Variants in CDC42BPB observed in about 807,000 individuals in gnomAD.
CDC42BPB encodes CDC42 binding protein kinase beta.
Under a neutral mutation model 214.9 loss-of-function variants are expected in CDC42BPB, and 37 were observed. That is an observed-to-expected ratio of 0.17 (90% CI 0.13 to 0.23). The LOEUF is 0.23. Ranked by LOEUF, CDC42BPB falls within the 10% of genes least tolerant of loss-of-function variation. The pLI is 1.00. For missense variants in CDC42BPB, 1,694 were observed against 2,227.0 expected (o/e 0.76, Z 4.82); for synonymous variants, 931 against 884.0 (o/e 1.05, Z -0.94).
rs1201006233 is a variant in CDC42BPB, at chr14:103,022,240, T to C, written c.176-10052A>G. On this transcript the variant is annotated intron_variant, in intron 1 of 36. Transcript: ENST00000361246. ...GAATTACCTACTGGCTTTTGCCACG[T>C]GGAGACCACAGGTGGCCTTGACAAA... is the stretch of plus-strand genomic sequence containing the variant. Among the ~76,000 whole-genome samples, 3 of 152,146 alleles carry C rather than the reference T, an allele frequency of 2.0e-5. No homozygotes were observed. The East Asian group carries it at 5.8e-4, about 29-fold the overall frequency.
At position 102,938,127 on chromosome 14, in the gene CDC42BPB, G is replaced by C. The variant is rs1382376082; in HGVS notation, c.4981C>G (p.Pro1661Ala). The C allele has an allele frequency of 6.2e-7, 1 of 1,613,946 alleles. No homozygotes were observed. Among genetic ancestry groups the C allele is most frequent in the Non-Finnish European group, 8.5e-7 (1 of 1,180,010 alleles). Residue 1661 changes from proline to alanine, a missense_variant, in exon 36 of 37, where the codon CCA (proline) becomes GCA (alanine). This residue lies in a region of CDC42BPB where 146 missense variants were observed against 134.1 expected (regional missense o/e 1.09). Transcript: ENST00000361246. ...VTVPLRSMSD[P>A]DQDFDKEPDS... Reference sequence around the variant, plus strand: ...ACCTCTTTGTCAAAGTCCTGGTCTGGATCAGACATACTTCTCAGAGGCACA... The same window carrying C: ...ACCTCTTTGTCAAAGTCCTGGTCTGCATCAGACATACTTCTCAGAGGCACA...
intron 34 of CDC42BPB, 37 bp from the exon 35 acceptor site, chr14:102,938,448 GAC>G (rs770868712): frequency 6.6e-7 from 1 of 1,509,438 alleles, no homozygotes; most frequent in African/African-American, 1.4e-5. Flanking sequence ...ATGCTTGGTT[GAC>G]ACCCGGCAGG....
At chr14:103,047,909 A>AAAAAAAAAAG (rs1888385082) in intron 1 of CDC42BPB, among the ~76,000 whole-genome samples, 1 of 151,990 alleles carries the variant, frequency 6.6e-6, no homozygotes, top group African/African-American at 2.4e-5. Context: ...TGTCCAAAAA[A>AAAAAAAAAAG]AAAAGCATTT....
At chr14:103,025,258 T>C (rs1232307261) in intron 1 of CDC42BPB, among the ~76,000 whole-genome samples, 1 of 152,114 alleles carries the variant, frequency 6.6e-6, no homozygotes, top group Non-Finnish European at 1.5e-5. Context: ...CACTGTCCGA[T>C]GTGCCACCCC....
intron 16 of CDC42BPB, among the ~76,000 whole-genome samples, chr14:102,967,815 G>A (rs34702038): frequency 0.015 from 2,300 of 152,270 alleles, 56 homozygotes; most frequent in African/African-American, 0.053. Flanking sequence ...ACCAAACTTC[G>A]GCCGGCGCAG....
Position 102,938,319 on chromosome 14 carries a change from C to G in CDC42BPB, c.4920G>C (p.Ser1640=). ...CTTCCCCTGTACCTGATGAGGGCCA[C>G]GAGATGTAGGGCTTGTTCCTGGATG... ...QPPSRNKPYI[S]WPSSGGSEPS... The change falls in exon 35 of 37, where the codon TCG becomes TCC. Residue 1640 remains serine (S), a synonymous_variant. Transcript: ENST00000361246. 6.2e-7 allele frequency: 1 copy of G among 1,608,164 alleles called. No individual in the cohort carries two copies. Among genetic ancestry groups the G allele is most frequent in the African/African-American group, 1.3e-5 (1 of 74,874 alleles).
In CDC42BPB at chr14:102,966,331, G is replaced by A. The variant is rs775258543; in HGVS notation, c.2528C>T (p.Thr843Ile). 6.2e-7 allele frequency: 1 copy of A among 1,614,082 alleles called. No homozygotes were observed. Among genetic ancestry groups the A allele is most frequent in the Non-Finnish European group, 8.5e-7 (1 of 1,179,962 alleles). ...GYLQALASKMTEELEALRSSS... is the reference protein window; with the variant it reads ...GYLQALASKMIEELEALRSSS... ...ACTCCTCAAAGCCTCGAGCTCTTCG[G>A]TCATCTTGGAAGCAAGAGCTTGAAG... Residue 843 changes from threonine to isoleucine, a missense_variant, in exon 18 of 37, where the codon ACC (threonine) becomes ATC (isoleucine). Coordinates refer to ENST00000361246, the MANE Select transcript of CDC42BPB (RefSeq NM_006035.4).
intron 1 of CDC42BPB, among the ~76,000 whole-genome samples, chr14:103,051,569 T>C (rs780977977): frequency 6.6e-6 from 1 of 152,112 alleles, no homozygotes; most frequent in Non-Finnish European, 1.5e-5. Flanking sequence ...CCAGGAGACA[T>C]CTAAGGGCAC....
chr14:102,970,233 G>C lies in CDC42BPB; in HGVS notation c.1913C>G (p.Ala638Gly), dbSNP rs1893414721. ...AAGCTTGCGCTCCTTGGAGGCCTCA[G>C]CAACAGCATCATCAAGCTGAGCTTC... ...ELEAQLDDAV[A>G]EASKERKLRE... Residue 638 changes from alanine to glycine, a missense_variant, in exon 14 of 37, where the codon GCT becomes GGT. Around this residue, in one of 7 missense-constraint regions of CDC42BPB, gnomAD observed 462 missense variants for 513.5 expected, o/e 0.90. Coordinates refer to ENST00000361246, the MANE Select transcript of CDC42BPB (RefSeq NM_006035.4). 3 of 1,613,548 alleles carry C rather than the reference G, an allele frequency of 1.9e-6. No individual in the cohort carries two copies. Among genetic ancestry groups the C allele is most frequent in the Non-Finnish European group, 2.5e-6 (3 of 1,179,844 alleles).
rs538277267 is a variant in CDC42BPB at position 103,004,786 on chromosome 14, T to C, written c.352-763A>G. Among the ~76,000 whole-genome samples the C allele has an allele frequency of 1.6e-4, 24 of 150,916 alleles. No individual in the cohort carries two copies. Among genetic ancestry groups the C allele is most frequent in the Admixed American group, 4.6e-4 (7 of 15,164 alleles). On this transcript the variant is annotated intron_variant, in intron 3 of 36. Transcript: ENST00000361246. This position sits in a 1 kb window ranked among gnomAD's most constrained non-coding sequence, Gnocchi z 5.3. ...TGGGAGGCTGAGGGGGGAGAACTGCTTGAGCCCAGGAAGCGGAGGTTGCGG... is the reference window on the plus strand; with the variant it reads ...TGGGAGGCTGAGGGGGGAGAACTGCCTGAGCCCAGGAAGCGGAGGTTGCGG...
chr14:102,974,088 G>A lies in CDC42BPB; in HGVS notation c.1569C>T (p.Asp523=). 1.9e-6 allele frequency: 3 copies of A among 1,614,088 alleles called. No homozygotes were observed. Among genetic ancestry groups the A allele is most frequent in the Middle Eastern group, 1.7e-4 (1 of 6,060 alleles). The change falls in exon 12 of 37, where the codon GAC becomes GAT. Residue 523 remains aspartate, a synonymous_variant. Transcript: ENST00000361246. The stretch of plus-strand genomic sequence containing the variant: ...CCAGCCCCCGCAGCCGCTGCGTGGA[G>A]TCCTCACGCTCTTGGCGAAGCGCCA... ...DTVALRQERE[D]STQRLRGLEK...
Position 102,976,053 on chromosome 14 carries a change from G to A in CDC42BPB, c.1221-4C>T. The A allele has an allele frequency of 1.9e-6, 3 of 1,606,880 alleles. No homozygotes were observed. Among genetic ancestry groups the A allele is most frequent in the Non-Finnish European group, 2.6e-6 (3 of 1,174,476 alleles). ...AGAGCCTCGATCAGAAAAACAGCTGGGAAACCAAGCAACAGGTTTTTTTGA... is the reference window on the plus strand; with the variant it reads ...AGAGCCTCGATCAGAAAAACAGCTGAGAAACCAAGCAACAGGTTTTTTTGA... On this transcript the variant is annotated splice_polypyrimidine_tract_variant and splice_region_variant and intron_variant, in intron 9 of 36. Transcript: ENST00000361246.
At chr14:103,055,926 A>G (rs1474264841) in intron 1 of CDC42BPB, among the ~76,000 whole-genome samples, 1 of 152,218 alleles carries the variant, frequency 6.6e-6, no homozygotes, top group Non-Finnish European at 1.5e-5. Context: ...TGACCCAAGG[A>G]TAAGGTTTTC....
intron 7 of CDC42BPB, 142 bp downstream of exon 7, chr14:102,983,414 G>A (rs1894095475): frequency 7.9e-7 from 1 of 1,271,288 alleles, no homozygotes; most frequent in Non-Finnish European, 1.1e-6. Flanking sequence ...CAATCTGCCT[G>A]TCCCCAGTTT....
intron 28 of CDC42BPB, among the ~76,000 whole-genome samples, chr14:102,946,110 G>A (rs1892155687): frequency 6.6e-6 from 1 of 152,186 alleles, no homozygotes. Context: ...CTGGGTTCAT[G>A]CTGTTCTCCC....
chr14:102,940,394 C>G, intron 30 of CDC42BPB, 70 bp from the exon 31 acceptor site: 1 of 1,545,000 alleles, frequency 6.5e-7, no homozygotes, highest in Non-Finnish European at 8.7e-7. Flanking sequence ...GGGCCGGAGG[C>G]CAAGCCTTGG....
At chr14:103,035,059 AC>A (rs1887592186) in intron 1 of CDC42BPB, among the ~76,000 whole-genome samples, 2 of 145,360 alleles carry the variant, frequency 1.4e-5, no homozygotes, top group South Asian at 4.3e-4. Context: ...TTAATTCTAT[AC>A]TTTTTTTTTT....
intron 5 of CDC42BPB, among the ~76,000 whole-genome samples, chr14:102,991,192 T>C (rs1894473475): frequency 2.6e-5 from 4 of 152,236 alleles, no homozygotes; most frequent in African/African-American, 9.6e-5. Flanking sequence ...AAGGGGCTGA[T>C]GGATATTGTA....
Position 102,974,012 on chromosome 14 carries a change from C to G in CDC42BPB, c.1641+4G>C. On this transcript the variant is annotated splice_donor_region_variant and intron_variant, in intron 12 of 36. Transcript: ENST00000361246. The stretch of plus-strand genomic sequence containing the variant: ...CCTTTCTCACCCCAAACTGAGCCAC[C>G]TACCTTGTGCAGCTCCTCCTTCTCC... 1 of 1,600,328 alleles carries G rather than the reference C, an allele frequency of 6.2e-7. No individual in the cohort carries two copies. Among genetic ancestry groups the G allele is most frequent in the South Asian group, 1.1e-5 (1 of 90,000 alleles).
Sources: allele counts gnomAD v4.1 joint callset (sites outside exome capture counted in the v4.1 genomes callset), GRCh38; gene constraint gnomAD v4.1.1; regional missense constraint gnomAD v4.1.1; non-coding constraint Gnocchi (gnomAD v3.1); transcripts MANE v1.5; gene names NCBI Gene and HGNC (gene_info 2026-07-23, HGNC 2026-07-21).